The following ZMYND8 variants were observed in gnomAD, a reference collection of about 807,000 sequenced individuals.
ZMYND8 encodes zinc finger MYND-type containing 8.
In ZMYND8, 37 loss-of-function variants were observed where a neutral mutation model predicts 140.8. The ratio of observed to expected loss-of-function variants is 0.26; its 90% CI spans 0.20 to 0.35. ZMYND8 has a LOEUF of 0.35. ZMYND8 is among the 10% of genes least tolerant of loss of function. The pLI, the probability that ZMYND8 is intolerant of heterozygous loss-of-function variation, is 1.00. For missense variants in ZMYND8, 1,068 were observed against 1,570.0 expected, an observed-to-expected ratio of 0.68 and a Z score of 5.40; for synonymous variants, 592 against 597.1, an observed-to-expected ratio of 0.99 and a Z score of 0.12.
At chr20:47,239,520 G>A (rs1601143185) in intron 14 of ZMYND8, among the ~76,000 whole-genome samples, 1 of 152,148 alleles carries the variant, frequency 6.6e-6, no homozygotes, top group African/African-American at 2.4e-5. Context: ...AAATCTAGTC[G>A]GCACCTTGAG....
chr20:47,334,662 T>C (rs905059041), intron 2 of ZMYND8, among the ~76,000 whole-genome samples: 20 of 150,604 alleles, frequency 1.3e-4, no homozygotes, highest in African/African-American at 4.9e-4. Flanking sequence ...CGGGCTGGAG[T>C]ACAGTGGCAC....
At chr20:47,328,003 G>A (rs956922507) in intron 2 of ZMYND8, among the ~76,000 whole-genome samples, 1 of 151,974 alleles carries the variant, frequency 6.6e-6, no homozygotes, top group Non-Finnish European at 1.5e-5. Flanking sequence ...TCAGAGATGA[G>A]GTCTCACTAT....
At chr20:47,313,380 T>C (rs555546979) in intron 2 of ZMYND8, among the ~76,000 whole-genome samples, 2 of 152,206 alleles carry the variant, frequency 1.3e-5, no homozygotes, top group South Asian at 4.1e-4. Context: ...CCCAGCACTT[T>C]GGGAGGCCAA....
At chr20:47,318,972 T>C (rs772579568) in intron 2 of ZMYND8, 17 of 1,351,508 alleles carry the variant, frequency 1.3e-5, no homozygotes, top group Middle Eastern at 2.1e-4. Context: ...AAAGTGCGGC[T>C]GCTCAGAGGG....
At chr20:47,269,211 T>C (rs6066260) in intron 11 of ZMYND8, among the ~76,000 whole-genome samples, 39,324 of 151,730 alleles carry the variant, frequency 0.26, 5,573 homozygotes, top group Non-Finnish European at 0.33. Flanking sequence ...AAAAAATAAA[T>C]AAATAAAAAT....
At chr20:47,259,705 C>A (rs1398197656) in intron 12 of ZMYND8, among the ~76,000 whole-genome samples, 1 of 152,158 alleles carries the variant, frequency 6.6e-6, no homozygotes, top group East Asian at 1.9e-4. Flanking sequence ...GGCCTCACTC[C>A]TGCTCAATGC....
In ZMYND8 at chr20:47,238,649, G is replaced by A. The variant is rs549352628; in HGVS notation, c.2665+109C>T. 288 of 1,520,772 alleles carry A rather than the reference G, an allele frequency of 1.9e-4. 3 individuals carry two copies. The South Asian group carries it at 3.1e-3, about 17-fold the overall frequency. 94.2% of individuals were successfully genotyped at this position (1,520,772 alleles called of 1,614,324 possible). A position where few individuals can be genotyped will look rare whatever the true frequency, so the allele number is the denominator to read the frequency against. On this transcript the variant is annotated intron_variant, in intron 15 of 22. Coordinates refer to ENST00000471951, the MANE Select transcript of ZMYND8 (RefSeq NM_001281775.3). ...CAAGGCCTTCAAGATACAATGGCCCGGAAACAAACGAGAACTAAAAAAAAA... is the reference window on the plus strand; with the variant it reads ...CAAGGCCTTCAAGATACAATGGCCCAGAAACAAACGAGAACTAAAAAAAAA...
At position 47,300,686 on chromosome 20, in the gene ZMYND8, C is replaced by G. The variant is rs2077956560; in HGVS notation, c.235-1739G>C. Among the ~76,000 whole-genome samples the G allele has an allele frequency of 2.0e-5, 3 of 152,140 alleles. No individual in the cohort carries two copies. In the South Asian group the frequency reaches 6.2e-4, roughly 32 times the overall value. ...GCAAGAGTTGCCAAGAAGGCAGGCA[C>G]CCATATCTTGTTCCCAGCTTTTATT... On this transcript the variant is annotated intron_variant, in intron 3 of 22. Transcript: ENST00000471951.
intron 2 of ZMYND8, among the ~76,000 whole-genome samples, chr20:47,313,342 G>A (rs1415009918): frequency 6.6e-6 from 1 of 152,142 alleles, no homozygotes; most frequent in Non-Finnish European, 1.5e-5. Context: ...TAGGCTGGAG[G>A]CCGGGCGCAG....
intron 4 of ZMYND8, among the ~76,000 whole-genome samples, chr20:47,297,513 C>T (rs2077718431): frequency 6.6e-6 from 1 of 152,054 alleles, no homozygotes; most frequent in Admixed American, 6.6e-5. Context: ...CCTCAACCAT[C>T]TCGGCTCAAG....
At chr20:47,250,094 C>T (rs948342188) in intron 12 of ZMYND8, among the ~76,000 whole-genome samples, 6 of 152,162 alleles carry the variant, frequency 3.9e-5, no homozygotes, top group Non-Finnish European at 8.8e-5. Flanking sequence ...CTCTGTCTAA[C>T]AGGTCTCGCT....
At chr20:47,274,234 A>G (rs2076126786) in intron 11 of ZMYND8, among the ~76,000 whole-genome samples, 1 of 152,234 alleles carries the variant, frequency 6.6e-6, no homozygotes, top group South Asian at 2.1e-4. Flanking sequence ...TATATATGCC[A>G]TGTTTCATTT....
intron 1 of ZMYND8, chr20:47,354,458 G>A (rs1297811758): frequency 2.0e-5 from 3 of 152,170 alleles, no homozygotes; most frequent in Non-Finnish European, 4.4e-5. Flanking sequence ...CTGAGTGTCT[G>A]AACTTACTTG....
At chr20:47,249,108 T>TGAATTAACTGAATCAAAA (rs1306832289) in intron 13 of ZMYND8, among the ~76,000 whole-genome samples, 179 bp downstream of exon 13, 1 of 152,186 alleles carries the variant, frequency 6.6e-6, no homozygotes, top group African/African-American at 2.4e-5. Flanking sequence ...CTGAATTAAC[T>TGAATTAACTGAATCAAAA]AGCAAGTCTG....
At chr20:47,278,896 C>T (rs1291812443) in intron 10 of ZMYND8, among the ~76,000 whole-genome samples, 1 of 152,054 alleles carries the variant, frequency 6.6e-6, no homozygotes, top group Non-Finnish European at 1.5e-5. Flanking sequence ...TCAGGGTCTC[C>T]AGTGCTGTCC....
chr20:47,254,865 G>A (rs1226764505), intron 12 of ZMYND8, among the ~76,000 whole-genome samples: 1 of 152,210 alleles, frequency 6.6e-6, no homozygotes. Context: ...AGTGCCTCAT[G>A]CCTGCAATCC....
At chr20:47,283,534 T>C in intron 9 of ZMYND8, 37 bp downstream of exon 9, 4 of 1,610,330 alleles carry the variant, frequency 2.5e-6, no homozygotes, top group Non-Finnish European at 2.5e-6. Context: ...AGGCACAGGG[T>C]TCAGTAAATG....
chr20:47,307,287 C>A (rs2078564694), intron 3 of ZMYND8, among the ~76,000 whole-genome samples: 1 of 151,192 alleles, frequency 6.6e-6, no homozygotes, highest in Non-Finnish European at 1.5e-5. Context: ...TCCGTCTCTA[C>A]CAAAACTACA....
intron 12 of ZMYND8, among the ~76,000 whole-genome samples, chr20:47,255,561 AGTGT>A (rs141205253): frequency 0.05 from 5,986 of 119,882 alleles, 183 homozygotes; most frequent in African/African-American, 0.055. Context: ...ACATATACTC[AGTGT>A]GTGTGTGTGT....
Sources: gnomAD v4.1 joint callset for allele counts (sites outside exome capture counted in the v4.1 genomes callset) on GRCh38, gnomAD v4.1.1 for gene constraint, MANE v1.5 for transcripts, NCBI Gene and HGNC (gene_info 2026-07-23, HGNC 2026-07-21) for gene names.